Variants in FNBP4 observed in about 807,000 individuals in gnomAD.
FNBP4 encodes the protein formin-binding protein 4.
A neutral mutation model predicts 119.3 loss-of-function variants in FNBP4; 34 were observed. The observed-to-expected ratio is 0.28, with a 90% confidence interval of 0.22 to 0.38. The LOEUF is 0.38. Among genes scored for constraint, FNBP4 ranks in the 10% least tolerant of loss-of-function variants. FNBP4 has a pLI of 1.00. For missense variants in FNBP4, 1,112 were observed against 1,228.9 expected (o/e 0.90, Z 1.42); for synonymous variants, 462 against 430.6 (o/e 1.07, Z -0.90).
At chr11:47,725,736 C>A (rs1174376862) in intron 12 of FNBP4, 1 of 951,624 alleles carries the variant, frequency 1.1e-6, no homozygotes, top group East Asian at 1.2e-4. Flanking sequence ...GATATACTTA[C>A]TTGTAGCCTT....
chr11:47,759,174 C>T (rs150506117), intron 2 of FNBP4, among the ~76,000 whole-genome samples: 19 of 150,652 alleles, frequency 1.3e-4, no homozygotes, highest in African/African-American at 4.6e-4. Flanking sequence ...CCCTTTTTGG[C>T]CTCCCAAAGT....
intron 7 of FNBP4, among the ~76,000 whole-genome samples, chr11:47,744,887 T>C (rs937589097): frequency 5.3e-5 from 8 of 152,226 alleles, no homozygotes; most frequent in African/African-American, 1.9e-4. Flanking sequence ...AGTCTCTTTA[T>C]TGATTATCAA....
At position 47,732,840 on chromosome 11, in the gene FNBP4, G is replaced by A. The variant is rs1337197665; in HGVS notation, c.1687-170C>T. On this transcript the variant is annotated intron_variant, in intron 10 of 16. Coordinates refer to ENST00000263773, the MANE Select transcript of FNBP4 (RefSeq NM_015308.5). This position sits in a 1 kb window ranked among gnomAD's most constrained non-coding sequence, Gnocchi z 4.2. Reference sequence around the variant, plus strand: ...CATCTCATAAAATAATCTTAAGGCCGGGCATGGTGGCTCACGCCTGTAATC... The same window carrying A: ...CATCTCATAAAATAATCTTAAGGCCAGGCATGGTGGCTCACGCCTGTAATC... 6.6e-6 allele frequency among the ~76,000 whole-genome samples: 1 copy of A among 152,144 alleles called. No homozygotes were observed. The highest frequency in any genetic ancestry group is 1.5e-5 in the Non-Finnish European group (1 of 68,028).
intron 10 of FNBP4, among the ~76,000 whole-genome samples, chr11:47,733,797 T>G (rs1030645113): frequency 6.6e-6 from 1 of 152,194 alleles, no homozygotes; most frequent in Non-Finnish European, 1.5e-5. Flanking sequence ...CAACATTACA[T>G]GGCCTCATCT....
intron 4 of FNBP4, among the ~76,000 whole-genome samples, 167 bp from the exon 5 acceptor site, chr11:47,751,457 C>T (rs141746155): frequency 2.8e-4 from 42 of 152,016 alleles, no homozygotes; most frequent in African/African-American, 8.9e-4. Flanking sequence ...TTTAGCAGCA[C>T]CCCTGGCCTC....
At chr11:47,754,863 C>T (rs1268871525) in intron 2 of FNBP4, among the ~76,000 whole-genome samples, 199 bp from the exon 3 acceptor site, 3 of 152,034 alleles carry the variant, frequency 2.0e-5, no homozygotes, top group Admixed American at 1.3e-4. Context: ...ATCTATAGGC[C>T]TGGTGCAGTG....
At chr11:47,761,290 C>T (rs1565167603) in intron 2 of FNBP4, among the ~76,000 whole-genome samples, 1 of 152,082 alleles carries the variant, frequency 6.6e-6, no homozygotes, top group Non-Finnish European at 1.5e-5. Flanking sequence ...GGTAAAATTG[C>T]TTTATCTTAG....
Position 47,753,077 on chromosome 11 carries a change from T to C in FNBP4, c.476A>G (p.Gln159Arg), listed in dbSNP as rs2097607552. ...AGAAGCTCCTACAGGAGCTGCAGGCTGAGGAGCTGTTATGGCATCGATCTC... is the reference window on the plus strand; with the variant it reads ...AGAAGCTCCTACAGGAGCTGCAGGCCGAGGAGCTGTTATGGCATCGATCTC... ...LAEIDAITAP[Q>R]PAAPVGASAP... Residue 159 changes from glutamine to arginine, a missense_variant, in exon 4 of 17, where the codon CAG (glutamine) becomes CGG (arginine). Physicochemically the swap from Gln to Arg is conservative, Grantham distance 43. This residue lies in a region of FNBP4 where 286 missense variants were observed against 240.1 expected (regional missense o/e 1.19). Transcript: ENST00000263773. 5.0e-6 allele frequency: 8 copies of C among 1,613,112 alleles called. No homozygotes were observed. The African/African-American group carries it at 1.1e-4, about 22-fold the overall frequency.
intron 12 of FNBP4, 190 bp from the exon 13 acceptor site, chr11:47,724,968 T>A (rs2097559450): frequency 1.1e-5 from 7 of 646,122 alleles, no homozygotes; most frequent in Non-Finnish European, 1.7e-5. Flanking sequence ...CCCACAGGCA[T>A]CTATTCTATA....
chr11:47,729,713 A>G, intron 12 of FNBP4: 2 of 985,262 alleles, frequency 2.0e-6, no homozygotes, highest in Non-Finnish European at 2.4e-6. Context: ...GAGACAGGGC[A>G]TTGCTGTGTT....
At chr11:47,758,299 C>A (rs1259536167) in intron 2 of FNBP4, among the ~76,000 whole-genome samples, 1 of 152,174 alleles carries the variant, frequency 6.6e-6, no homozygotes, top group African/African-American at 2.4e-5. Context: ...TCATCTCGAA[C>A]TCCTGGTCAC....
At position 47,732,806 on chromosome 11, in the gene FNBP4, C is replaced by T. The variant is rs191306250; in HGVS notation, c.1687-136G>A. 6.3e-6 allele frequency: 5 copies of T among 787,804 alleles called. No individual in the cohort carries two copies. The South Asian group carries it at 7.1e-5, about 11-fold the overall frequency. The allele number at this position is 787,804 out of a possible 1,614,324, so 48.8% of individuals were successfully genotyped here. On this transcript the variant is annotated intron_variant, in intron 10 of 16. Transcript: ENST00000263773. This position sits in a 1 kb window ranked among gnomAD's most constrained non-coding sequence, Gnocchi z 4.2. ...ACAGTAGACCAGAGAGGAAAATAAA[C>T]CCCATCTTCATCTCATAAAATAATC... is the stretch of plus-strand genomic sequence containing the variant.
rs1225797111 is a variant in FNBP4 at position 47,743,691 on chromosome 11, G to A, written c.1456+262C>T. Reference sequence around the variant, plus strand: ...CTCTACCCACCCACACAGAGGCTGGGCAACGTAGACAGAGAGAAGAAATGG... The same window carrying A: ...CTCTACCCACCCACACAGAGGCTGGACAACGTAGACAGAGAGAAGAAATGG... On this transcript the variant is annotated intron_variant, in intron 8 of 16. Transcript: ENST00000263773. 1.1e-5 allele frequency: 5 copies of A among 453,586 alleles called. No homozygotes were observed. In the East Asian group the frequency reaches 1.2e-4, roughly 11 times the overall value. 28.1% of individuals were successfully genotyped at this position (453,586 alleles called of 1,614,324 possible).
chr11:47,764,793 C>T (rs561999727), intron 2 of FNBP4, among the ~76,000 whole-genome samples: 12 of 152,240 alleles, frequency 7.9e-5, no homozygotes, highest in East Asian at 5.8e-4. Flanking sequence ...TTAGTAATTG[C>T]GCCAAAGTCT....
Position 47,724,635 on chromosome 11 carries a change from G to A in FNBP4, c.2152C>T (p.Pro718Ser). The A allele has an allele frequency of 6.2e-7, 1 of 1,614,108 alleles. No homozygotes were observed. Among genetic ancestry groups the A allele is most frequent in the East Asian group, 2.2e-5 (1 of 44,886 alleles). Residue 718 changes from proline (P) to serine (S), a missense_variant, in exon 13 of 17, where the codon CCT (proline) becomes TCT (serine). By Grantham distance (74) the Pro-to-Ser change is moderately conservative (BLOSUM62 -1). This residue lies in a region of FNBP4 where 826 missense variants were observed against 988.8 expected (regional missense o/e 0.84). Transcript: ENST00000263773. ...PLEMPPPPPP[P>S]PESPPPPPPP... ...GGAGGGGGTGGAGGTGATTCTGGAG[G>A]TGGAGGTGGGGGTGGTGGCATTTCC...
intron 2 of FNBP4, among the ~76,000 whole-genome samples, chr11:47,760,822 C>T (rs1429734063): frequency 1.3e-5 from 2 of 152,100 alleles, no homozygotes; most frequent in Non-Finnish European, 2.9e-5. Flanking sequence ...CCTTGGCCTC[C>T]CATAGTGTTG....
intron 2 of FNBP4, among the ~76,000 whole-genome samples, chr11:47,756,015 G>A (rs1185936596): frequency 6.6e-6 from 1 of 152,160 alleles, no homozygotes; most frequent in Non-Finnish European, 1.5e-5. Flanking sequence ...GACTTTCAAA[G>A]TTAAAAACGA....
chr11:47,765,285 C>T lies in FNBP4; in HGVS notation c.298G>A (p.Ala100Thr), dbSNP rs2097644478. ...PKPVMTTRPT[A>T]VKATGGLCLL... is the part of the protein sequence containing the mutation. The stretch of plus-strand genomic sequence containing the variant: ...AAAAGCATACCTGTTGCTTTAACAG[C>T]TGTGGGTCTAGTGGTCATGACTGGT... Residue 100 changes from alanine (A) to threonine (T), a missense_variant, in exon 2 of 17, where the codon GCT (alanine) becomes ACT (threonine). Around this residue, in one of 2 missense-constraint regions of FNBP4, gnomAD observed 286 missense variants for 240.1 expected, o/e 1.19. Coordinates refer to ENST00000263773, the MANE Select transcript of FNBP4 (RefSeq NM_015308.5). The T allele has an allele frequency of 1.2e-6, 2 of 1,609,162 alleles. No homozygotes were observed. Among genetic ancestry groups the T allele is most frequent in the Middle Eastern group, 1.7e-4 (1 of 6,042 alleles).
At position 47,767,191 on chromosome 11, in the gene FNBP4, G is replaced by A. The variant is rs1235712513; in HGVS notation, c.98C>T (p.Pro33Leu). 32 of 1,561,368 alleles carry A rather than the reference G, an allele frequency of 2.0e-5. No individual in the cohort carries two copies. The highest frequency in any genetic ancestry group is 2.6e-5 in the Non-Finnish European group (30 of 1,159,538). Residue 33 changes from proline (P) to leucine (L), a missense_variant, in exon 1 of 17, where the codon CCG becomes CTG. Around this residue, in one of 2 missense-constraint regions of FNBP4, gnomAD observed 286 missense variants for 240.1 expected, o/e 1.19. Transcript: ENST00000263773. ...TGAGTCCGGCTCAGTGTCGGGTTCC[G>A]GCTCCGGGTCCCGGCCCGGCGTGCT... is the stretch of plus-strand genomic sequence containing the variant. ...RGSTPGRDPE[P>L]EPDTEPDSTA... is the part of the protein sequence containing the mutation.
Sources: allele counts gnomAD v4.1 joint callset (sites outside exome capture counted in the v4.1 genomes callset), GRCh38; gene constraint gnomAD v4.1.1; regional missense constraint gnomAD v4.1.1; non-coding constraint Gnocchi (gnomAD v3.1); transcripts MANE v1.5; gene names NCBI Gene and HGNC (gene_info 2026-07-23, HGNC 2026-07-21).